OPCML: variants seen among roughly 807,000 people sequenced by gnomAD.
OPCML encodes the protein opioid-binding protein/cell adhesion molecule.
A neutral mutation model predicts 37.8 loss-of-function variants in OPCML; 13 were observed. That is an observed-to-expected ratio of 0.34 (90% CI 0.22 to 0.55). OPCML has a LOEUF of 0.55. Among genes scored for constraint, OPCML ranks in the 20% least tolerant of loss-of-function variants. The probability of loss-of-function intolerance (pLI) is 0.91; values close to 1 mark genes in which losing one functional copy is unlikely to be tolerated. For missense variants in OPCML, 341 were observed against 435.6 expected (o/e 0.78, Z 1.93); for synonymous variants, 176 against 168.8 (o/e 1.04, Z -0.33).
intron 1 of OPCML, among the ~76,000 whole-genome samples, chr11:133,106,905 C>T (rs1181965258): frequency 3.9e-5 from 6 of 152,190 alleles, no homozygotes; most frequent in African/African-American, 1.4e-4. Flanking sequence ...CTGCAGACTG[C>T]CCACTGCACC....
At chr11:132,991,238 T>C (rs1946769448) in intron 1 of OPCML, among the ~76,000 whole-genome samples, 1 of 152,202 alleles carries the variant, frequency 6.6e-6, no homozygotes, top group Non-Finnish European at 1.5e-5. Flanking sequence ...AGGACATCAA[T>C]TTTCATCTTG....
Position 133,283,498 on chromosome 11 carries a change from A to T in OPCML, c.61+248766T>A, listed in dbSNP as rs1019583740. ...CAGAAGCTGAGCAGATATTGGCACC[A>T]TGCTTCCTGTAAAGCCTGCAGAACT... On this transcript the variant is annotated intron_variant, in intron 1 of 7. Coordinates refer to ENST00000524381, the MANE Select transcript of OPCML (RefSeq NM_001012393.5). 3.9e-5 allele frequency among the ~76,000 whole-genome samples: 6 copies of T among 151,962 alleles called. No homozygotes were observed. In the South Asian group the frequency reaches 1.2e-3, roughly 32 times the overall value.
chr11:133,009,528 G>A (rs1947176695), intron 1 of OPCML, among the ~76,000 whole-genome samples: 1 of 152,196 alleles, frequency 6.6e-6, no homozygotes, highest in Admixed American at 6.5e-5. Flanking sequence ...TGAAACATTA[G>A]TCCACTCTAT....
chr11:133,140,001 A>G (rs1466155197), intron 1 of OPCML, among the ~76,000 whole-genome samples: 1 of 151,494 alleles, frequency 6.6e-6, no homozygotes, highest in Non-Finnish European at 1.5e-5. Context: ...AGCCTGGTCT[A>G]TATGGTGAAA....
chr11:133,448,570 G>A (rs1011556256), intron 1 of OPCML, among the ~76,000 whole-genome samples: 3 of 152,158 alleles, frequency 2.0e-5, no homozygotes, highest in Non-Finnish European at 4.4e-5. Context: ...CGATACTCCT[G>A]CCTCAGTCTC....
Position 132,419,448 on chromosome 11 carries a change from C to A in OPCML, c.*745G>T, listed in dbSNP as rs551382112. 1 of 152,186 alleles carries A rather than the reference C, an allele frequency of 6.6e-6. No individual in the cohort carries two copies. The highest frequency in any genetic ancestry group is 1.5e-5 in the Non-Finnish European group (1 of 68,030). 9.4% of individuals were successfully genotyped at this position (152,186 alleles called of 1,614,324 possible). ...TCAATCACGTTTATGAGTTGAACTT[C>A]TCTTTTTAAAATAGAGGTTCTATCT... On this transcript the variant is annotated 3_prime_UTR_variant, in exon 8 of 8. Coordinates refer to ENST00000524381, the MANE Select transcript of OPCML (RefSeq NM_001012393.5).
intron 2 of OPCML, among the ~76,000 whole-genome samples, chr11:132,804,542 C>T (rs1323338072): frequency 2.0e-5 from 3 of 152,110 alleles, no homozygotes; most frequent in Non-Finnish European, 2.9e-5. Context: ...AAATGCAGTG[C>T]CTGGAGATTT....
At chr11:132,967,807 C>T (rs1435760340) in intron 1 of OPCML, among the ~76,000 whole-genome samples, 1 of 152,086 alleles carries the variant, frequency 6.6e-6, no homozygotes, top group Admixed American at 6.5e-5. Flanking sequence ...TGCAGTATTT[C>T]TTGTAAGGTG....
chr11:133,473,428 TG>T (rs1337131026), intron 1 of OPCML, among the ~76,000 whole-genome samples: 1 of 152,172 alleles, frequency 6.6e-6, no homozygotes, highest in African/African-American at 2.4e-5. Flanking sequence ...ACTTTAAAGT[TG>T]CCTGCAATTT....
chr11:132,607,372 G>A (rs1591617095), intron 3 of OPCML, among the ~76,000 whole-genome samples: 1 of 152,148 alleles, frequency 6.6e-6, no homozygotes, highest in Non-Finnish European at 1.5e-5. Flanking sequence ...CTTTGAACAC[G>A]AAGTATGGAG....
intron 1 of OPCML, among the ~76,000 whole-genome samples, chr11:132,983,367 C>T (rs1946627147): frequency 6.6e-6 from 1 of 152,240 alleles, no homozygotes; most frequent in Admixed American, 6.5e-5. Flanking sequence ...TAATAAAAGC[C>T]TCTCAGTTAC....
At chr11:132,574,167 T>TA (rs1294363588) in intron 3 of OPCML, among the ~76,000 whole-genome samples, 3 of 148,394 alleles carry the variant, frequency 2.0e-5, no homozygotes, top group Non-Finnish European at 4.4e-5. Context: ...TTATCTTTTT[T>TA]AAAAAAGGCA....
intron 1 of OPCML, among the ~76,000 whole-genome samples, chr11:133,455,979 A>G (rs1305315499): frequency 6.6e-6 from 1 of 152,164 alleles, no homozygotes; most frequent in African/African-American, 2.4e-5. Context: ...ACATACTCGC[A>G]ATGTTCTAAC....
chr11:133,518,109 T>C (rs559379909), intron 1 of OPCML, among the ~76,000 whole-genome samples: 1 of 151,962 alleles, frequency 6.6e-6, no homozygotes, highest in South Asian at 2.1e-4. Context: ...TGCATATGTA[T>C]GTGTGGTGTG....
chr11:133,327,816 C>T (rs765094612), intron 1 of OPCML, among the ~76,000 whole-genome samples: 1 of 152,112 alleles, frequency 6.6e-6, no homozygotes, highest in Non-Finnish European at 1.5e-5. Context: ...AGCTACTACT[C>T]GGAGGCCAAG....
chr11:133,084,887 T>C (rs926740087), intron 1 of OPCML, among the ~76,000 whole-genome samples: 1 of 152,208 alleles, frequency 6.6e-6, no homozygotes, highest in African/African-American at 2.4e-5. Flanking sequence ...AGAACCATGA[T>C]ATAAAAATAC....
chr11:133,356,315 A>G (rs1944289417), intron 1 of OPCML, among the ~76,000 whole-genome samples: 1 of 152,252 alleles, frequency 6.6e-6, no homozygotes. Context: ...TATGTTCCGC[A>G]GTTTATGCTC....
At chr11:132,565,499 C>T in intron 3 of OPCML, among the ~76,000 whole-genome samples, 1 of 152,178 alleles carries the variant, frequency 6.6e-6, no homozygotes, top group Non-Finnish European at 1.5e-5. Context: ...CAGATTCCTA[C>T]CTCAGCGGCT....
chr11:132,807,830 A>C (rs772001754), intron 2 of OPCML, among the ~76,000 whole-genome samples: 1 of 152,242 alleles, frequency 6.6e-6, no homozygotes, highest in Non-Finnish European at 1.5e-5. Context: ...ACATTCTATC[A>C]TTCATTCAAG....
Sources: gnomAD v4.1 joint callset for allele counts (sites outside exome capture counted in the v4.1 genomes callset) on GRCh38, gnomAD v4.1.1 for gene constraint, MANE v1.5 for transcripts, NCBI Gene and HGNC (gene_info 2026-07-23, HGNC 2026-07-21) for gene names.